GLIS3: variants seen among roughly 807,000 people sequenced by gnomAD.
GLIS3 encodes GLIS family zinc finger 3, also known as zinc finger protein GLIS3.
In GLIS3, 53 loss-of-function variants were observed where a neutral mutation model predicts 78.6. That is an observed-to-expected ratio of 0.67 (90% confidence interval 0.54 to 0.85). The LOEUF (loss-of-function observed/expected upper bound fraction) is 0.85. Ranked by LOEUF, GLIS3 falls within the 40% of genes least tolerant of loss-of-function variation. GLIS3 has a pLI of 0.00. For missense variants in GLIS3, 1,703 were observed against 1,231.1 expected (o/e 1.38, Z -5.74); for synonymous variants, 684 against 509.9 (o/e 1.34, Z -4.60).
chr9:4,461,487 G>A, the GLIS3 span, among the ~76,000 whole-genome samples: 302 of 152,132 alleles, frequency 2.0e-3, 1 homozygote, highest in African/African-American at 6.9e-3. Flanking sequence ...ATTCTGAAAT[G>A]CCTCTACTCT....
chr9:4,258,246 A>G (rs1825167156), intron 2 of GLIS3, among the ~76,000 whole-genome samples: 1 of 152,252 alleles, frequency 6.6e-6, no homozygotes, highest in Non-Finnish European at 1.5e-5. Context: ...AATTCAAAAA[A>G]GGACTTAAAA....
At chr9:4,348,198 A>T (rs1392428745) in intron 1 of GLIS3, 4 of 152,242 alleles carry the variant, frequency 2.6e-5, no homozygotes, top group Admixed American at 6.5e-5. Context: ...GTAAGAGAAC[A>T]TTTAAATAAA....
intron 4 of GLIS3, among the ~76,000 whole-genome samples, chr9:3,965,287 A>T (rs1348361210): frequency 7.3e-6 from 1 of 136,464 alleles, no homozygotes; most frequent in East Asian, 2.2e-4. Flanking sequence ...TTTGCCTCCC[A>T]GGTTCAAGCG....
At chr9:3,952,244 A>G (rs1182185860) in intron 4 of GLIS3, among the ~76,000 whole-genome samples, 1 of 152,160 alleles carries the variant, frequency 6.6e-6, no homozygotes, top group Non-Finnish European at 1.5e-5. Flanking sequence ...AGGGGGAAAA[A>G]GGTTAGTTCA....
chr9:4,203,233 CA>C (rs748537674), intron 2 of GLIS3, among the ~76,000 whole-genome samples: 17 of 152,220 alleles, frequency 1.1e-4, no homozygotes, highest in Admixed American at 2.6e-4. Flanking sequence ...TGCTCTGCAG[CA>C]GTAGTCATCA....
chr9:3,943,067 A>C (rs1816051394), intron 4 of GLIS3, among the ~76,000 whole-genome samples: 1 of 152,154 alleles, frequency 6.6e-6, no homozygotes, highest in African/African-American at 2.4e-5. Context: ...AGACTGTAGA[A>C]GCACACTGGG....
the GLIS3 span, among the ~76,000 whole-genome samples, chr9:4,442,439 G>A: frequency 6.6e-6 from 1 of 151,968 alleles, no homozygotes; most frequent in African/African-American, 2.4e-5. Context: ...ATTTCAACTG[G>A]TAATCATCCA....
In GLIS3 at chr9:3,879,515, G is replaced by A. The variant is rs1821579861; in HGVS notation, c.2209C>T (p.Pro737Ser). 6.2e-7 allele frequency: 1 copy of A among 1,614,058 alleles called. No homozygotes were observed. The highest frequency in any genetic ancestry group is 8.5e-7 in the Non-Finnish European group (1 of 1,179,968). Residue 737 changes from proline (P) to serine (S), a missense_variant, in exon 8 of 11, where the codon CCT becomes TCT. Physicochemically the swap from Pro to Ser is moderately conservative, Grantham distance 74. Transcript: ENST00000381971. ...AVPPPHPVSH[P>S]SPGHNVQGSP... is the part of the protein sequence containing the mutation. The stretch of plus-strand genomic sequence containing the variant: ...CCCTGTACATTATGTCCTGGAGAAG[G>A]GTGACTGACAGGATGTGGGGGTGGT...
chr9:3,877,316 G>A (rs1424365473), intron 8 of GLIS3, among the ~76,000 whole-genome samples: 3 of 152,178 alleles, frequency 2.0e-5, no homozygotes, highest in Non-Finnish European at 2.9e-5. Context: ...TGTCTGCAAC[G>A]TCTGTGAACT....
At chr9:4,396,849 A>T in the GLIS3 span, among the ~76,000 whole-genome samples, 2 of 152,044 alleles carry the variant, frequency 1.3e-5, no homozygotes, top group South Asian at 4.1e-4. Flanking sequence ...GTTTTGAAGT[A>T]AAGCGAGCCT....
At chr9:4,480,458 C>T in the GLIS3 span, among the ~76,000 whole-genome samples, 5 of 151,982 alleles carry the variant, frequency 3.3e-5, no homozygotes, top group African/African-American at 1.2e-4. Flanking sequence ...TTTATGGCCT[C>T]GCAAAGTGCT....
chr9:4,459,829 G>C, the GLIS3 span, among the ~76,000 whole-genome samples: 1 of 152,092 alleles, frequency 6.6e-6, no homozygotes, highest in Non-Finnish European at 1.5e-5. Flanking sequence ...AAAAGAAAAA[G>C]CGGGAGAAAA....
At chr9:4,066,751 T>G (rs7033818) in intron 4 of GLIS3, among the ~76,000 whole-genome samples, 2 of 152,144 alleles carry the variant, frequency 1.3e-5, no homozygotes, top group Non-Finnish European at 2.9e-5. Flanking sequence ...AGAGAGACAC[T>G]GCAAGGTGAA....
At chr9:3,993,248 T>C (rs1820474656) in intron 4 of GLIS3, among the ~76,000 whole-genome samples, 1 of 152,146 alleles carries the variant, frequency 6.6e-6, no homozygotes, top group Admixed American at 6.6e-5. Flanking sequence ...CAGATCAGGA[T>C]CTCTTTGTAC....
At chr9:3,855,483 G>C (rs1819717675) in intron 9 of GLIS3, 1 of 178,392 alleles carries the variant, frequency 5.6e-6, no homozygotes, top group Non-Finnish European at 1.2e-5. Flanking sequence ...ACACAAGGTA[G>C]AGGAAGCATA....
rs147052278 is a variant in GLIS3, at chr9:4,029,423, TC to T, written c.1710+88344del. 5.6e-3 allele frequency among the ~76,000 whole-genome samples: 850 copies of T among 152,328 alleles called. 7 individuals are homozygous for T. The highest frequency in any genetic ancestry group is 0.019 in the African/African-American group (807 of 41,580). On this transcript the variant is annotated intron_variant, in intron 4 of 10. Coordinates refer to ENST00000381971, the MANE Select transcript of GLIS3 (RefSeq NM_001042413.2). Reference sequence around the variant, plus strand: ...TAAGCACATCATGGAAAATGTGTTATCCGTCCCCTTAAGCATTTATCCTTCG... The same window carrying T: ...TAAGCACATCATGGAAAATGTGTTATCGTCCCCTTAAGCATTTATCCTTCG...
intron 8 of GLIS3, among the ~76,000 whole-genome samples, chr9:3,878,174 A>G (rs533759120): frequency 3.0e-4 from 46 of 152,104 alleles, no homozygotes; most frequent in Non-Finnish European, 5.4e-4. Context: ...CAATGCCTAC[A>G]TCACTGTGTC....
chr9:4,434,596 G>C, the GLIS3 span, among the ~76,000 whole-genome samples: 1 of 152,174 alleles, frequency 6.6e-6, no homozygotes, highest in East Asian at 1.9e-4. Flanking sequence ...AGGTGGGTGA[G>C]TGGATGGATG....
intron 2 of GLIS3, among the ~76,000 whole-genome samples, chr9:4,236,938 C>G (rs183054973): frequency 1.3e-5 from 2 of 152,154 alleles, no homozygotes; most frequent in Admixed American, 1.3e-4. Context: ...CCAGGATGGG[C>G]TCAGCATCGT....
Sources: allele counts gnomAD v4.1 joint callset (sites outside exome capture counted in the v4.1 genomes callset), GRCh38; gene constraint gnomAD v4.1.1; transcripts MANE v1.5; gene names NCBI Gene and HGNC (gene_info 2026-07-23, HGNC 2026-07-21).